The following SLC1A4 variants were observed in gnomAD, a reference collection of about 807,000 sequenced individuals.
The protein encoded by SLC1A4 is neutral amino acid transporter A.
SLC1A4 carries 19 observed loss-of-function variants against 37.7 expected under a neutral mutation model. The observed-to-expected ratio is 0.50, with a 90% CI of 0.35 to 0.74. The LOEUF is 0.74. Ranked by LOEUF, SLC1A4 falls within the 30% of genes least tolerant of loss-of-function variation. The pLI, the probability that SLC1A4 is intolerant of heterozygous loss-of-function variation, is 0.01. For missense variants in SLC1A4, 570 were observed against 712.9 expected (o/e 0.80, Z 2.28); for synonymous variants, 299 against 309.8 (o/e 0.97, Z 0.37).
At chr2:65,006,886 T>C (rs1673697507) in intron 3 of SLC1A4, among the ~76,000 whole-genome samples, 1 of 152,158 alleles carries the variant, frequency 6.6e-6, no homozygotes, top group Non-Finnish European at 1.5e-5. Context: ...ATTACTGTAC[T>C]CTAGACAGCA....
At chr2:64,997,955 C>CA (rs1290995763) in intron 1 of SLC1A4, among the ~76,000 whole-genome samples, 2 of 38,650 alleles carry the variant, frequency 5.2e-5, no homozygotes, top group Non-Finnish European at 8.8e-5. Context: ...TACAAATTGG[C>CA]AGGCGCAGTG....
chr2:64,997,637 T>C (rs1286502435), intron 1 of SLC1A4, among the ~76,000 whole-genome samples: 1 of 152,258 alleles, frequency 6.6e-6, no homozygotes, highest in Admixed American at 6.5e-5. Context: ...TTGTTGCGTA[T>C]ATCACTTGGC....
In SLC1A4 at chr2:65,021,061, A is replaced by C. The variant is rs184866285; in HGVS notation, c.1514A>C (p.Glu505Ala). The C allele has an allele frequency of 1.1e-5, 18 of 1,614,210 alleles. No homozygotes were observed. In the East Asian group the frequency reaches 4.0e-4, roughly 36 times the overall value. ...EAIPNCKSEE[E>A]TSPLVTHQNP... The stretch of plus-strand genomic sequence containing the variant: ...ATCCCCAACTGCAAGTCTGAGGAGG[A>C]GACATCGCCCCTGGTGACACACCAG... The change falls in exon 8 of 8, where the codon GAG (glutamate) becomes GCG (alanine). Residue 505 changes from glutamate to alanine, a missense_variant. Transcript: ENST00000234256.
chr2:65,018,712 G>A lies in SLC1A4; in HGVS notation c.1364+33G>A. ...ACAAGTCCTGAGAACACCAAAAAGA[G>A]TCTGCACTGAGTTCCCTAGGAGCTT... On this transcript the variant is annotated intron_variant, in intron 7 of 7. Transcript: ENST00000234256. The surrounding 1 kb of genome is among the most constrained non-coding windows in gnomAD (Gnocchi z 4.3). The A allele has an allele frequency of 6.2e-7, 1 of 1,612,666 alleles. No homozygotes were observed. Among genetic ancestry groups the A allele is most frequent in the Non-Finnish European group, 8.5e-7 (1 of 1,179,488 alleles).
intron 3 of SLC1A4, among the ~76,000 whole-genome samples, chr2:65,008,441 C>T (rs542139169): frequency 3.9e-5 from 6 of 152,042 alleles, no homozygotes; most frequent in Admixed American, 1.3e-4. Flanking sequence ...AGTTTGAGAC[C>T]GGTTTGGGCA....
At chr2:64,993,171 T>C (rs1041831146) in intron 1 of SLC1A4, among the ~76,000 whole-genome samples, 1 of 152,188 alleles carries the variant, frequency 6.6e-6, no homozygotes, top group Non-Finnish European at 1.5e-5. Context: ...CTTAAACACC[T>C]GGAAGAGTGG....
At chr2:65,000,996 A>G (rs938745931) in intron 1 of SLC1A4, 2 of 153,722 alleles carry the variant, frequency 1.3e-5, no homozygotes, top group African/African-American at 4.8e-5. Context: ...TCTAGGTGAG[A>G]GGAAAGCAAT....
At chr2:64,992,942 C>T (rs1008160017) in intron 1 of SLC1A4, among the ~76,000 whole-genome samples, 12 of 152,186 alleles carry the variant, frequency 7.9e-5, no homozygotes, top group African/African-American at 2.2e-4. Context: ...CCAAGCCACC[C>T]GGAAATGCTT....
chr2:65,007,954 A>C (rs2103659266), intron 3 of SLC1A4, among the ~76,000 whole-genome samples: 1 of 152,326 alleles, frequency 6.6e-6, no homozygotes, highest in East Asian at 1.9e-4. Context: ...ATTTGTATCC[A>C]TTAATCAACT....
chr2:64,990,501 C>T (rs973168987), intron 1 of SLC1A4, among the ~76,000 whole-genome samples: 1 of 152,190 alleles, frequency 6.6e-6, no homozygotes, highest in Non-Finnish European at 1.5e-5. Flanking sequence ...CTGCTCTCCC[C>T]GGTAAAAATG....
chr2:64,996,368 T>C (rs557099190), intron 1 of SLC1A4, among the ~76,000 whole-genome samples: 3 of 152,326 alleles, frequency 2.0e-5, no homozygotes, highest in South Asian at 2.1e-4. Context: ...CTAATACATA[T>C]GTAATTCAAG....
In SLC1A4 at chr2:65,022,349, G is replaced by C. The variant is rs986892446; in HGVS notation, c.*1203G>C. On this transcript the variant is annotated 3_prime_UTR_variant, in exon 8 of 8. Coordinates refer to ENST00000234256, the MANE Select transcript of SLC1A4 (RefSeq NM_003038.5). ...AAGCTAAGTGAAGGGGAAGATCTGA[G>C]AGCGTGCTGTTTGTGGCTGTTGATG... 7.2e-5 allele frequency: 11 copies of C among 152,248 alleles called. No individual in the cohort carries two copies. The highest frequency in any genetic ancestry group is 5.9e-5 in the Non-Finnish European group (4 of 68,042). The allele number at this position is 152,248 out of a possible 1,614,324, so 9.4% of individuals were successfully genotyped here. A position where few individuals can be genotyped will look rare whatever the true frequency, so the allele number is the denominator to read the frequency against.
In SLC1A4 at chr2:65,021,873, T is replaced by G. The variant is rs1214743627; in HGVS notation, c.*727T>G. 6.6e-6 allele frequency: 1 copy of G among 152,434 alleles called. No homozygotes were observed. The highest frequency in any genetic ancestry group is 2.4e-5 in the African/African-American group (1 of 41,462). 9.4% of individuals were successfully genotyped at this position (152,434 alleles called of 1,614,324 possible). ...AAGCGGGGCAGAGGGTTCTCTAATC[T>G]AATCAGGACAGGACAGGTTTCACAT... On this transcript the variant is annotated 3_prime_UTR_variant, in exon 8 of 8. Coordinates refer to ENST00000234256, the MANE Select transcript of SLC1A4 (RefSeq NM_003038.5).
intron 4 of SLC1A4, among the ~76,000 whole-genome samples, chr2:65,013,950 G>C (rs571285423): frequency 6.6e-6 from 1 of 152,292 alleles, no homozygotes; most frequent in African/African-American, 2.4e-5. Context: ...GAAAGAGCAT[G>C]ACTGTGTTCC....
rs530325933 is a variant in SLC1A4 at position 64,997,568 on chromosome 2, A to T, written c.528-3880A>T. 2.6e-5 allele frequency among the ~76,000 whole-genome samples: 4 copies of T among 152,308 alleles called. No homozygotes were observed. The East Asian group carries it at 7.7e-4, about 29-fold the overall frequency. On this transcript the variant is annotated intron_variant, in intron 1 of 7. Transcript: ENST00000234256. ...TTTCATATCAACAGAATCATTCAGT[A>T]TGCACTCTCCTTTGTCAGTCTTGTT...
rs577604837 is a variant in SLC1A4 at position 64,990,267 on chromosome 2, T to C, written c.527+97T>C. ...CATATGCTTATACACTCCTAAGAGT[T>C]AATTCTTAGCTGGCTGCTGGTGGCG... On this transcript the variant is annotated intron_variant, in intron 1 of 7. Coordinates refer to ENST00000234256, the MANE Select transcript of SLC1A4 (RefSeq NM_003038.5). The C allele has an allele frequency of 7.7e-6, 9 of 1,168,224 alleles. No homozygotes were observed. In the African/African-American group the frequency reaches 1.4e-4, roughly 18 times the overall value. The allele number at this position is 1,168,224 out of a possible 1,614,324, so 72.4% of individuals were successfully genotyped here.
At chr2:65,002,108 C>T (rs1034126954) in intron 2 of SLC1A4, among the ~76,000 whole-genome samples, 1 of 151,986 alleles carries the variant, frequency 6.6e-6, no homozygotes, top group Non-Finnish European at 1.5e-5. Flanking sequence ...GGTGAAACCC[C>T]GTCTCCATTA....
At chr2:65,005,178 C>T (rs1038732533) in intron 3 of SLC1A4, among the ~76,000 whole-genome samples, 4 of 152,188 alleles carry the variant, frequency 2.6e-5, no homozygotes, top group African/African-American at 9.6e-5. Context: ...ATATGACTGT[C>T]TGATAGGATG....
intron 3 of SLC1A4, among the ~76,000 whole-genome samples, chr2:65,009,736 G>A (rs942971828): frequency 1.3e-5 from 2 of 152,160 alleles, no homozygotes; most frequent in African/African-American, 4.8e-5. Context: ...CAGCATTGCT[G>A]GAAAAAATTA....
Sources: gnomAD v4.1 joint callset for allele counts (sites outside exome capture counted in the v4.1 genomes callset) on GRCh38, gnomAD v4.1.1 for gene constraint, Gnocchi (gnomAD v3.1) non-coding constraint, MANE v1.5 for transcripts, NCBI Gene and HGNC (gene_info 2026-07-23, HGNC 2026-07-21) for gene names.